Variants in SLC22A25 observed in about 807,000 individuals in gnomAD.
The protein encoded by SLC22A25 is solute carrier family 22 member 25.
A neutral mutation model predicts 45.9 loss-of-function variants in SLC22A25; 44 were observed. That is an observed-to-expected ratio of 0.96 (90% confidence interval 0.75 to 1.23). The LOEUF is 1.23. SLC22A25 is among the 50% of genes most tolerant of loss of function. The probability of loss-of-function intolerance (pLI) is 0.00; values close to 1 mark genes in which losing one functional copy is unlikely to be tolerated. For missense variants in SLC22A25, 800 were observed against 666.4 expected (o/e 1.20, Z -2.21); for synonymous variants, 283 against 238.6 (o/e 1.19, Z -1.72).
chr11:63,191,784 C>T (rs1264771609), intron 7 of SLC22A25, among the ~76,000 whole-genome samples: 1 of 151,670 alleles, frequency 6.6e-6, no homozygotes. Context: ...GACAGTCAGA[C>T]AAGAATAGAG....
intron 9 of SLC22A25, among the ~76,000 whole-genome samples, chr11:63,180,327 A>G (rs2088272522): frequency 6.6e-6 from 1 of 152,102 alleles, no homozygotes; most frequent in Non-Finnish European, 1.5e-5. Flanking sequence ...ATCTGTGTAC[A>G]TTCATATGAT....
rs1472585957 is a variant in SLC22A25 at position 63,229,372 on chromosome 11, G to A, written c.281C>T (p.Pro94Leu). The stretch of plus-strand genomic sequence containing the variant: ...ATTCAGATGAATGAGCTTCCACTGG[G>A]GATGGACAAAGCGACGACACTTCTC... ...RPEKCRRFVH[P>L]QWKLIHLNGT... Residue 94 changes from proline to leucine, a missense_variant, in exon 4 of 12, where the codon CCC becomes CTC. Coordinates refer to ENST00000306494, the MANE Select transcript of SLC22A25 (RefSeq NM_199352.6). 3.1e-6 allele frequency: 5 copies of A among 1,613,948 alleles called. No homozygotes were observed. In the African/African-American group the frequency reaches 5.3e-5, roughly 17 times the overall value.
intron 9 of SLC22A25, among the ~76,000 whole-genome samples, chr11:63,170,227 C>T (rs940842588): frequency 2.0e-5 from 3 of 151,976 alleles, no homozygotes; most frequent in African/African-American, 4.8e-5. Context: ...GATCTAAAAT[C>T]GATACCCTAA....
chr11:63,225,801 G>A (rs2089949978), intron 5 of SLC22A25, among the ~76,000 whole-genome samples: 1 of 151,944 alleles, frequency 6.6e-6, no homozygotes, highest in African/African-American at 2.4e-5. Flanking sequence ...AGATGTTGTG[G>A]GAGTGCTTCC....
At chr11:63,201,869 G>A (rs2089255510) in intron 7 of SLC22A25, among the ~76,000 whole-genome samples, 1 of 152,118 alleles carries the variant, frequency 6.6e-6, no homozygotes, top group Non-Finnish European at 1.5e-5. Flanking sequence ...GGCTGAAGAG[G>A]AACAGCTCTG....
Position 63,190,319 on chromosome 11 carries a change from TC to T in SLC22A25, c.831-6503del, listed in dbSNP as rs566651790. Among the ~76,000 whole-genome samples, 385 of 152,338 alleles carry T rather than the reference TC, an allele frequency of 2.5e-3. 1 individual carries two copies. Among genetic ancestry groups the T allele is most frequent in the Non-Finnish European group, 4.5e-3 (309 of 68,028 alleles). ...TTGATCTTTCATCACTGATACCCTT[TC>T]TTCCAGTTGATTGAATCGGCTACTG... On this transcript the variant is annotated intron_variant, in intron 7 of 11. Transcript: ENST00000306494.
intron 7 of SLC22A25, among the ~76,000 whole-genome samples, chr11:63,213,986 A>G (rs1354617875): frequency 1.3e-5 from 2 of 152,126 alleles, no homozygotes; most frequent in South Asian, 4.1e-4. Context: ...TACATGGAAA[A>G]TTTAATTTAA....
At chr11:63,165,674 G>A (rs1050299897) in intron 10 of SLC22A25, among the ~76,000 whole-genome samples, 3 of 152,204 alleles carry the variant, frequency 2.0e-5, no homozygotes, top group Non-Finnish European at 2.9e-5. Context: ...AGAGGAAATA[G>A]CAGTATTGTG....
intron 1 of SLC22A25, among the ~76,000 whole-genome samples, chr11:63,241,400 G>A (rs921401091): frequency 3.3e-5 from 5 of 151,970 alleles, no homozygotes; most frequent in South Asian, 2.1e-4. Context: ...CTTCTTCCAC[G>A]GTGTTCCATG....
intron 7 of SLC22A25, among the ~76,000 whole-genome samples, chr11:63,212,864 G>T (rs1245186634): frequency 2.6e-5 from 4 of 151,644 alleles, no homozygotes; most frequent in Non-Finnish European, 4.4e-5. Flanking sequence ...TGAGGCTTTT[G>T]CACCACCTAG....
In SLC22A25 at chr11:63,229,359, G is replaced by GGGACCC. The variant is rs767970441; in HGVS notation, c.293_294insGGGTCC (p.Leu98_Ile99insGlyPro). ...TGGGGAAGGTCCCATTCAGATGAATGAGCTTCCACTGGGGATGGACAAAGC... is the reference window on the plus strand; with the variant it reads ...TGGGGAAGGTCCCATTCAGATGAATGGGACCCAGCTTCCACTGGGGATGGACAAAGC... On this transcript the variant is annotated inframe_insertion, in exon 4 of 12. Transcript: ENST00000306494. The GGGACCC allele has an allele frequency of 6.2e-7, 1 of 1,614,018 alleles. No individual in the cohort carries two copies. The highest frequency in any genetic ancestry group is 2.2e-5 in the East Asian group (1 of 44,868).
intron 7 of SLC22A25, among the ~76,000 whole-genome samples, chr11:63,202,333 G>C (rs1373785530): frequency 2.0e-5 from 3 of 152,122 alleles, no homozygotes; most frequent in South Asian, 4.2e-4. Context: ...GGGCACTGAA[G>C]CCAGGGAGTT....
At chr11:63,173,276 T>TA (rs1282933297) in intron 9 of SLC22A25, among the ~76,000 whole-genome samples, 1 of 152,050 alleles carries the variant, frequency 6.6e-6, no homozygotes, top group Non-Finnish European at 1.5e-5. Flanking sequence ...ATACATGGTT[T>TA]AAAACCTAGA....
chr11:63,193,862 C>A (rs1018597482), intron 7 of SLC22A25, among the ~76,000 whole-genome samples: 3 of 152,178 alleles, frequency 2.0e-5, no homozygotes, highest in African/African-American at 7.2e-5. Flanking sequence ...TAACAAACTT[C>A]TCTGAGCTAA....
chr11:63,229,669 A>T lies in SLC22A25; in HGVS notation c.-17T>A, dbSNP rs2090034060. 5.0e-6 allele frequency: 8 copies of T among 1,594,152 alleles called. No individual in the cohort carries two copies. In the East Asian group the frequency reaches 1.8e-4, roughly 36 times the overall value. ...AAAGGCCATTGAGGCTGGACAAGTGATCCCCAAGAGGAGACAAAATGACTG... is the reference window on the plus strand; with the variant it reads ...AAAGGCCATTGAGGCTGGACAAGTGTTCCCCAAGAGGAGACAAAATGACTG... On this transcript the variant is annotated 5_prime_UTR_variant, in exon 4 of 12. Transcript: ENST00000306494.
rs141199491 is a variant in SLC22A25 at position 63,229,283 on chromosome 11, G to T, written c.370C>A (p.Gln124Lys). The change falls in exon 4 of 12, where the codon CAA (glutamine) becomes AAA (lysine). Residue 124 changes from glutamine to lysine, a missense_variant. Physicochemically the swap from Gln to Lys is moderately conservative, Grantham distance 53. Transcript: ENST00000306494. The part of the protein sequence containing the change: ...EPCVDGWVYD[Q>K]SSFPSTIVTK... ...ACAATGGTGGAAGGGAAGGAGCTTT[G>T]GTCATATACCCAGCCATCCACACAG... 2.2e-5 allele frequency: 35 copies of T among 1,566,476 alleles called. No individual in the cohort carries two copies. The African/African-American group carries it at 3.9e-4, about 18-fold the overall frequency.
At chr11:63,175,162 T>A (rs758926839) in intron 9 of SLC22A25, among the ~76,000 whole-genome samples, 1 of 152,156 alleles carries the variant, frequency 6.6e-6, no homozygotes, top group Non-Finnish European at 1.5e-5. Flanking sequence ...GTAGGATTGG[T>A]GAATCATATG....
intron 8 of SLC22A25, among the ~76,000 whole-genome samples, chr11:63,182,300 G>GT (rs772727200): frequency 6.6e-6 from 1 of 151,906 alleles, no homozygotes; most frequent in Admixed American, 6.6e-5. Context: ...GGATTCTACT[G>GT]TTTTTTGTAA....
intron 8 of SLC22A25, among the ~76,000 whole-genome samples, chr11:63,182,280 G>A (rs1206261321): frequency 1.3e-5 from 2 of 152,014 alleles, no homozygotes; most frequent in Non-Finnish European, 1.5e-5. Context: ...ATAATGCATT[G>A]CTATTTTTTG....
Sources: gnomAD v4.1 joint callset for allele counts (sites outside exome capture counted in the v4.1 genomes callset) on GRCh38, gnomAD v4.1.1 for gene constraint, MANE v1.5 for transcripts, NCBI Gene and HGNC (gene_info 2026-07-23, HGNC 2026-07-21) for gene names.